MEGF6: variants seen among roughly 807,000 people sequenced by gnomAD.
The protein encoded by MEGF6 is multiple EGF like domains 6, also known as multiple epidermal growth factor-like domains protein 6.
MEGF6 carries 184 observed loss-of-function variants against 207.1 expected under a neutral mutation model. The ratio of observed to expected loss-of-function variants is 0.89; its 90% CI spans 0.79 to 1.00. The LOEUF is 1.00. Among genes scored for constraint, MEGF6 ranks in the 50% least tolerant of loss-of-function variants. The probability of loss-of-function intolerance (pLI) is 0.00; values close to 1 mark genes in which losing one functional copy is unlikely to be tolerated. For missense variants in MEGF6, 2,282 were observed against 2,202.9 expected (o/e 1.04, Z -0.72); for synonymous variants, 1,038 against 910.0 (o/e 1.14, Z -2.53).
At chr1:3,494,587 G>C (rs1450491220) in intron 31 of MEGF6, 26 bp downstream of exon 31, 1 of 1,559,184 alleles carries the variant, frequency 6.4e-7, no homozygotes, top group Non-Finnish European at 8.7e-7. Flanking sequence ...GGGGATGCTG[G>C]GGTCCCGCTG....
At chr1:3,526,787 A>G (rs944449451) in intron 4 of MEGF6, among the ~76,000 whole-genome samples, 2 of 152,158 alleles carry the variant, frequency 1.3e-5, no homozygotes, top group Non-Finnish European at 2.9e-5. Context: ...AGAGCCGCCA[A>G]AGAGTCACCA....
At chr1:3,558,422 G>T (rs1359929860) in intron 4 of MEGF6, among the ~76,000 whole-genome samples, 1 of 152,220 alleles carries the variant, frequency 6.6e-6, no homozygotes, top group Non-Finnish European at 1.5e-5. Flanking sequence ...ATCACTTGAG[G>T]CCAGGAGTTC....
At chr1:3,621,355 G>C in the MEGF6 span, among the ~76,000 whole-genome samples, 1 of 152,216 alleles carries the variant, frequency 6.6e-6, no homozygotes, top group African/African-American at 2.4e-5. Context: ...GGCCCTGTCC[G>C]GGCATAACAG....
At chr1:3,500,253 G>A (rs1031503289) in intron 21 of MEGF6, among the ~76,000 whole-genome samples, 4 of 152,222 alleles carry the variant, frequency 2.6e-5, no homozygotes, top group African/African-American at 7.2e-5. Flanking sequence ...GTCCTAAGCA[G>A]ACCCCTTCTC....
intron 10 of MEGF6, among the ~76,000 whole-genome samples, chr1:3,510,432 GCCCTGCACGCAGCAGGCGCTCAACCAACA>G (rs1641297835): frequency 2.0e-5 from 3 of 150,794 alleles, no homozygotes; most frequent in Admixed American, 2.0e-4. Context: ...AACACCCATA[GCCCTGCACGCAGCAGGCGCTCAACCAACA>G]CCCACAGCCC....
Position 3,494,595 on chromosome 1 carries a change from C to T in MEGF6, c.4000+18G>A, listed in dbSNP as rs778326872. The T allele has an allele frequency of 1.0e-5, 16 of 1,560,204 alleles. No individual in the cohort carries two copies. In the South Asian group the frequency reaches 1.9e-4, roughly 18 times the overall value. On this transcript the variant is annotated intron_variant, in intron 31 of 36. Coordinates refer to ENST00000356575, the MANE Select transcript of MEGF6 (RefSeq NM_001409.4). ...TCCCTGAGGGGATGCTGGGGTCCCGCTGGCCCCGCACACTCACCCAGCTCG... is the reference window on the plus strand; with the variant it reads ...TCCCTGAGGGGATGCTGGGGTCCCGTTGGCCCCGCACACTCACCCAGCTCG...
intron 4 of MEGF6, among the ~76,000 whole-genome samples, chr1:3,564,549 C>T (rs913351400): frequency 6.6e-6 from 1 of 152,140 alleles, no homozygotes. Flanking sequence ...CTGGCCTCCT[C>T]TCCCCACTGT....
At position 3,498,463 on chromosome 1, in the gene MEGF6, T is replaced by C. The variant is rs773946142; in HGVS notation, c.3260A>G (p.His1087Arg). The C allele has an allele frequency of 3.2e-6, 5 of 1,583,964 alleles. No individual in the cohort carries two copies. Among genetic ancestry groups the C allele is most frequent in the Non-Finnish European group, 4.3e-6 (5 of 1,167,594 alleles). Residue 1087 changes from histidine (H) to arginine (R), a missense_variant, in exon 26 of 37, where the codon CAC becomes CGC. By Grantham distance (29) the His-to-Arg change is conservative. Transcript: ENST00000356575. ...LPRDVRAGCR[H>R]SGGCLNGGLC... ...GCCCCCGTTGAGGCAACCGCCGCTG[T>C]GCCGGCAGCCAGCTCTGACGTCCCG...
intron 6 of MEGF6, 25 bp downstream of exon 6, chr1:3,515,377 T>C: frequency 3.1e-6 from 5 of 1,599,802 alleles, no homozygotes; most frequent in Non-Finnish European, 4.3e-6. Context: ...CCCCAGGTCC[T>C]CCCTCCCAGG....
rs140094957 is a variant in MEGF6 at position 3,488,169 on chromosome 1, C to T, written c.*2359G>A. On this transcript the variant is annotated 3_prime_UTR_variant, in exon 37 of 37. Coordinates refer to ENST00000356575, the MANE Select transcript of MEGF6 (RefSeq NM_001409.4). ...ATATATGGTCAGGAGTTTGTTTTTCCGTCGTCATTTGTAACCGTTAACATT... is the reference window on the plus strand; with the variant it reads ...ATATATGGTCAGGAGTTTGTTTTTCTGTCGTCATTTGTAACCGTTAACATT... Among the ~76,000 whole-genome samples the T allele has an allele frequency of 1.6e-3, 249 of 152,166 alleles. 6 individuals carry two copies. The East Asian group carries it at 0.039, about 24-fold the overall frequency.
chr1:3,498,851 C>T (rs533648183), intron 24 of MEGF6, 25 bp from the exon 25 acceptor site: 2 of 1,544,932 alleles, frequency 1.3e-6, no homozygotes, highest in African/African-American at 1.4e-5. Flanking sequence ...GAGGGAGCAA[C>T]CTGCATCCCC....
chr1:3,541,647 G>A (rs866977803), intron 4 of MEGF6, among the ~76,000 whole-genome samples: 21 of 152,306 alleles, frequency 1.4e-4, no homozygotes, highest in Middle Eastern at 3.4e-3. Context: ...TTCCTAGCCC[G>A]CAGCCCTCGG....
chr1:3,604,629 G>A (rs911054005), intron 1 of MEGF6, among the ~76,000 whole-genome samples: 19 of 152,128 alleles, frequency 1.2e-4, no homozygotes, highest in South Asian at 4.1e-4. Context: ...TGCCTCCTCC[G>A]TGCCCAGCAC....
chr1:3,606,747 G>A (rs1040446571), intron 1 of MEGF6, among the ~76,000 whole-genome samples: 14 of 152,192 alleles, frequency 9.2e-5, no homozygotes, highest in African/African-American at 3.4e-4. Context: ...CGAGCCCTGG[G>A]CACAGGTGAC....
At chr1:3,530,860 C>A (rs1452022175) in intron 4 of MEGF6, among the ~76,000 whole-genome samples, 1 of 152,222 alleles carries the variant, frequency 6.6e-6, no homozygotes, top group Non-Finnish European at 1.5e-5. Flanking sequence ...CTGTTAGTAG[C>A]CTCTGCCGAC....
At chr1:3,583,906 G>GCAGCCACCAGACAATGCA (rs1643862600) in intron 3 of MEGF6, among the ~76,000 whole-genome samples, 4 of 147,818 alleles carry the variant, frequency 2.7e-5, no homozygotes, top group African/African-American at 5.1e-5. Context: ...CAGACAACGC[G>GCAGCCACCAGACAATGCA]CAGCCACCAG....
chr1:3,520,937 C>G (rs1239944392), intron 5 of MEGF6, among the ~76,000 whole-genome samples: 1 of 152,138 alleles, frequency 6.6e-6, no homozygotes, highest in African/African-American at 2.4e-5. Context: ...AGGTGTCAGC[C>G]CCCTGAGAGC....
chr1:3,623,713 G>A, the MEGF6 span, among the ~76,000 whole-genome samples: 86 of 152,328 alleles, frequency 5.6e-4, no homozygotes, highest in Middle Eastern at 3.4e-3. Flanking sequence ...TTCTGCCAGC[G>A]CCCATGCAAC....
At chr1:3,593,881 C>T (rs2101838363) in intron 3 of MEGF6, among the ~76,000 whole-genome samples, 1 of 152,272 alleles carries the variant, frequency 6.6e-6, no homozygotes, top group African/African-American at 2.4e-5. Flanking sequence ...TTCCTTGTTA[C>T]TCTCCTCCCT....
Sources: allele counts gnomAD v4.1 joint callset (sites outside exome capture counted in the v4.1 genomes callset), GRCh38; gene constraint gnomAD v4.1.1; transcripts MANE v1.5; gene names NCBI Gene and HGNC (gene_info 2026-07-23, HGNC 2026-07-21).